Variants in CTNNA2 observed in about 807,000 individuals in gnomAD.
The protein encoded by CTNNA2 is catenin alpha 2, also known as catenin alpha-2.
A neutral mutation model predicts 101.0 loss-of-function variants in CTNNA2; 42 were observed. The observed-to-expected ratio is 0.42, with a 90% confidence interval of 0.32 to 0.54. The LOEUF is 0.54. Among genes scored for constraint, CTNNA2 ranks in the 20% least tolerant of loss-of-function variants. CTNNA2 has a pLI of 0.14. For missense variants in CTNNA2, 871 were observed against 1,223.1 expected (o/e 0.71, Z 4.29); for synonymous variants, 450 against 456.4 (o/e 0.99, Z 0.18).
chr2:79,288,431 G>C (rs143843147), intron 2 of CTNNA2, among the ~76,000 whole-genome samples: 1 of 152,172 alleles, frequency 6.6e-6, no homozygotes. Flanking sequence ...GGTAATCTTC[G>C]CTTGGAGTCT....
chr2:80,282,273 GTT>G (rs58708297), intron 7 of CTNNA2, among the ~76,000 whole-genome samples: 1 of 149,266 alleles, frequency 6.7e-6, no homozygotes, highest in African/African-American at 2.4e-5. Context: ...TTTATTTGCT[GTT>G]TTTTTTTTAA....
At chr2:79,611,842 A>G (rs1678296808) in intron 1 of CTNNA2, among the ~76,000 whole-genome samples, 1 of 152,168 alleles carries the variant, frequency 6.6e-6, no homozygotes, top group African/African-American at 2.4e-5. Flanking sequence ...ATAAATAACC[A>G]CGCTTTGACT....
At chr2:80,522,571 C>T (rs564274608) in intron 9 of CTNNA2, among the ~76,000 whole-genome samples, 1 of 152,100 alleles carries the variant, frequency 6.6e-6, no homozygotes, top group African/African-American at 2.4e-5. Flanking sequence ...TTGTCCCCGC[C>T]CAAATCTCAT....
Position 80,212,912 on chromosome 2 carries a change from G to A in CTNNA2, c.1057-180299G>A, listed in dbSNP as rs866162977. 1.5e-4 allele frequency among the ~76,000 whole-genome samples: 23 copies of A among 152,158 alleles called. No individual in the cohort carries two copies. The South Asian group carries it at 4.4e-3, about 29-fold the overall frequency. Reference sequence around the variant, plus strand: ...CAGAGCCTGTTATTGGTCTATTCAGGGATTCAACTTCTTCCTGGTTTAGTC... The same window carrying A: ...CAGAGCCTGTTATTGGTCTATTCAGAGATTCAACTTCTTCCTGGTTTAGTC... On this transcript the variant is annotated intron_variant, in intron 7 of 18. Coordinates refer to ENST00000402739, the MANE Select transcript of CTNNA2 (RefSeq NM_001282597.3).
intron 2 of CTNNA2, among the ~76,000 whole-genome samples, chr2:79,660,493 A>G (rs1390905761): frequency 6.6e-6 from 1 of 151,742 alleles, no homozygotes; most frequent in East Asian, 1.9e-4. Context: ...AAATATTTTT[A>G]TTGTTTTATA....
intron 9 of CTNNA2, among the ~76,000 whole-genome samples, chr2:80,464,502 A>G (rs911664747): frequency 2.0e-5 from 3 of 152,202 alleles, no homozygotes; most frequent in Admixed American, 2.0e-4. Context: ...CACAGTAAAA[A>G]GGGAACAAGC....
chr2:80,561,066 A>G (rs1381237423), intron 12 of CTNNA2, among the ~76,000 whole-genome samples: 1 of 152,090 alleles, frequency 6.6e-6, no homozygotes, highest in Non-Finnish European at 1.5e-5. Flanking sequence ...CTTCAGTTGG[A>G]CTGATTTCTG....
rs769332847 is a variant in CTNNA2 at position 80,042,294 on chromosome 2, TTTTG to T, written c.1056+132505_1056+132508del. On this transcript the variant is annotated intron_variant, in intron 7 of 18. Transcript: ENST00000402739. ...TGTTTTTTGTTTTGTTTTGTTCTGT[TTTTG>T]TTTGTTTATTTGTTTTTTAACCATT... is the stretch of plus-strand genomic sequence containing the variant. Among the ~76,000 whole-genome samples the T allele has an allele frequency of 1.2e-4, 18 of 152,272 alleles. 1 individual carries two copies. The highest frequency in any genetic ancestry group is 6.2e-4 in the South Asian group (3 of 4,826).
intron 8 of CTNNA2, among the ~76,000 whole-genome samples, chr2:80,409,730 A>T (rs1229479411): frequency 6.6e-6 from 1 of 152,154 alleles, no homozygotes; most frequent in African/African-American, 2.4e-5. Flanking sequence ...CCTCTGAGCT[A>T]ATTGCATTAG....
chr2:79,382,121 G>A (rs528625215), intron 4 of CTNNA2, among the ~76,000 whole-genome samples: 26 of 152,116 alleles, frequency 1.7e-4, no homozygotes, highest in Non-Finnish European at 3.2e-4. Context: ...GAACAAAAAG[G>A]TGGAAGAAGG....
intron 3 of CTNNA2, among the ~76,000 whole-genome samples, chr2:79,338,161 G>A (rs1343904030): frequency 4.6e-5 from 7 of 151,088 alleles, no homozygotes; most frequent in Admixed American, 6.6e-5. Flanking sequence ...CAGGAGAATC[G>A]CTTGAACTTG....
At chr2:79,908,440 G>A (rs998593123) in intron 6 of CTNNA2, among the ~76,000 whole-genome samples, 1 of 152,202 alleles carries the variant, frequency 6.6e-6, no homozygotes, top group East Asian at 1.9e-4. Context: ...ACCTCTGAGA[G>A]TGCACCCCCA....
At chr2:80,180,597 G>A (rs1043120727) in intron 7 of CTNNA2, among the ~76,000 whole-genome samples, 11 of 152,258 alleles carry the variant, frequency 7.2e-5, no homozygotes, top group East Asian at 3.9e-4. Context: ...GAGTGACTGC[G>A]GTTCCTCTTG....
At chr2:79,527,243 C>A (rs1278113200) in intron 1 of CTNNA2, among the ~76,000 whole-genome samples, 1 of 151,876 alleles carries the variant, frequency 6.6e-6, no homozygotes, top group African/African-American at 2.4e-5. Context: ...ATACAAATGG[C>A]AAATAAGCAC....
At chr2:79,215,799 C>T (rs893082678) in intron 2 of CTNNA2, among the ~76,000 whole-genome samples, 3 of 152,100 alleles carry the variant, frequency 2.0e-5, no homozygotes, top group Admixed American at 6.5e-5. Context: ...AACTGTAAGC[C>T]AGACCGGGTG....
At chr2:80,121,884 A>G (rs1701855160) in intron 7 of CTNNA2, among the ~76,000 whole-genome samples, 1 of 152,178 alleles carries the variant, frequency 6.6e-6, no homozygotes, top group Non-Finnish European at 1.5e-5. Context: ...TCTGTTTGGA[A>G]GATCAGACAT....
chr2:80,243,066 G>A (rs1393805548), intron 7 of CTNNA2, among the ~76,000 whole-genome samples: 1 of 152,196 alleles, frequency 6.6e-6, no homozygotes, highest in Admixed American at 6.5e-5. Context: ...GTTGTTTAGA[G>A]AAGAGACCAA....
intron 1 of CTNNA2, among the ~76,000 whole-genome samples, chr2:79,575,875 G>A (rs1675762237): frequency 6.6e-6 from 1 of 152,128 alleles, no homozygotes; most frequent in Non-Finnish European, 1.5e-5. Context: ...AAGAAGCCTG[G>A]CCAAGTTACT....
At chr2:80,334,863 C>G (rs912674367) in intron 7 of CTNNA2, among the ~76,000 whole-genome samples, 54 of 152,286 alleles carry the variant, frequency 3.5e-4, no homozygotes, top group African/African-American at 1.2e-3. Flanking sequence ...AATGTTAAAA[C>G]CAGGAATGTC....
Sources: gnomAD v4.1 joint callset for allele counts (sites outside exome capture counted in the v4.1 genomes callset) on GRCh38, gnomAD v4.1.1 for gene constraint, MANE v1.5 for transcripts, NCBI Gene and HGNC (gene_info 2026-07-23, HGNC 2026-07-21) for gene names.